The following DHX36 variants were observed in gnomAD, a reference collection of about 807,000 sequenced individuals.
DHX36 encodes the protein ATP-dependent DNA/RNA helicase DHX36.
In DHX36, 50 loss-of-function variants were observed where a neutral mutation model predicts 139.0. The observed-to-expected ratio is 0.36, with a 90% CI of 0.29 to 0.46. DHX36 has a LOEUF of 0.46. Ranked by LOEUF, DHX36 falls within the 20% of genes least tolerant of loss-of-function variation. The pLI is 1.00. For synonymous variants in DHX36, 425 were observed against 401.9 expected, an observed-to-expected ratio of 1.06 and a Z score of -0.69; for missense variants, 1,024 against 1,211.3, an observed-to-expected ratio of 0.85 and a Z score of 2.29.
chr3:154,307,934 A>G (rs1396119356), intron 5 of DHX36, among the ~76,000 whole-genome samples: 1 of 152,192 alleles, frequency 6.6e-6, no homozygotes, highest in Non-Finnish European at 1.5e-5. Flanking sequence ...ACAATGGAAT[A>G]CTATTTAGCT....
At chr3:154,293,512 A>C (rs1384308564) in intron 14 of DHX36, among the ~76,000 whole-genome samples, 1 of 152,124 alleles carries the variant, frequency 6.6e-6, no homozygotes, top group Admixed American at 6.6e-5. Context: ...AGCTGAGGAG[A>C]TCAAGGCTGC....
chr3:154,284,262 C>T (rs1356862289), intron 19 of DHX36, among the ~76,000 whole-genome samples: 1 of 152,146 alleles, frequency 6.6e-6, no homozygotes, highest in African/African-American at 2.4e-5. Flanking sequence ...TCACTGCAAC[C>T]ACCGCGCCCC....
chr3:154,308,381 G>A (rs189637912), intron 5 of DHX36, among the ~76,000 whole-genome samples: 126 of 152,162 alleles, frequency 8.3e-4, no homozygotes, highest in African/African-American at 2.8e-3. Flanking sequence ...GTGATAAGCA[G>A]CACTGCCATA....
intron 23 of DHX36, 73 bp downstream of exon 23, chr3:154,277,525 T>C: frequency 7.0e-7 from 1 of 1,438,286 alleles, no homozygotes; most frequent in Non-Finnish European, 9.2e-7. Context: ...TATATAATTG[T>C]TAAAACTACA....
chr3:154,284,218 C>T (rs901929993), intron 19 of DHX36, among the ~76,000 whole-genome samples: 35 of 152,154 alleles, frequency 2.3e-4, no homozygotes, highest in Admixed American at 1.4e-3. Context: ...CTCACTCCAT[C>T]GCCCAGGCTG....
intron 9 of DHX36, among the ~76,000 whole-genome samples, chr3:154,302,531 C>T (rs952523818): frequency 6.6e-6 from 1 of 151,924 alleles, no homozygotes; most frequent in South Asian, 2.1e-4. Context: ...AAAGCCAGTT[C>T]GAAGGTCAGG....
chr3:154,300,543 C>T lies in DHX36; in HGVS notation c.1461+51G>A, dbSNP rs183177590. 8.2e-5 allele frequency: 116 copies of T among 1,421,376 alleles called. No individual in the cohort carries two copies. In the African/African-American group the frequency reaches 1.1e-3, roughly 13 times the overall value. The allele number at this position is 1,421,376 out of a possible 1,614,324, so 88.0% of individuals were successfully genotyped here. ...AACTGTATTTTTCATGGCCTTGATA[C>T]GTTAATAAAATTAAAATTATGTTAA... On this transcript the variant is annotated intron_variant, in intron 11 of 24. Transcript: ENST00000496811.
At chr3:154,323,904 T>G (rs774496179) in intron 1 of DHX36, among the ~76,000 whole-genome samples, 1 of 152,220 alleles carries the variant, frequency 6.6e-6, no homozygotes, top group Non-Finnish European at 1.5e-5. Context: ...GAACGTGAAC[T>G]TAACATTTGC....
At position 154,301,134 on chromosome 3, in the gene DHX36, T is replaced by C. The variant is rs767634722; in HGVS notation, c.1218-7A>G. On this transcript the variant is annotated splice_polypyrimidine_tract_variant and splice_region_variant and intron_variant, in intron 9 of 24. Coordinates refer to ENST00000496811, the MANE Select transcript of DHX36 (RefSeq NM_020865.3). ...TTTTTGTTCTGGAACATACCTAAAA[T>C]AAAAACATTCTTGAATATCTTCACT... is the stretch of plus-strand genomic sequence containing the variant. 6.4e-7 allele frequency: 1 copy of C among 1,574,056 alleles called. No homozygotes were observed.
intron 3 of DHX36, among the ~76,000 whole-genome samples, chr3:154,314,223 C>T (rs988942075): frequency 1.3e-5 from 2 of 152,200 alleles, no homozygotes; most frequent in African/African-American, 2.4e-5. Context: ...AAGAGCTACA[C>T]AATTTGGCCC....
At chr3:154,277,921 AT>A (rs1258688101) in intron 22 of DHX36, 5 of 401,402 alleles carry the variant, frequency 1.2e-5, no homozygotes, top group Non-Finnish European at 2.2e-5. Context: ...TTCCTTAAAA[AT>A]ATATGAAAAA....
chr3:154,303,156 C>T (rs62277003), intron 9 of DHX36, among the ~76,000 whole-genome samples, 173 bp downstream of exon 9: 1,849 of 152,192 alleles, frequency 0.012, 20 homozygotes, highest in South Asian at 0.023. Flanking sequence ...AATCAGGCAT[C>T]TGGATTTTAA....
chr3:154,282,519 A>G (rs1719363615), intron 20 of DHX36, among the ~76,000 whole-genome samples: 1 of 151,022 alleles, frequency 6.6e-6, no homozygotes, highest in African/African-American at 2.4e-5. Context: ...CTACTGAAAC[A>G]TGGCATTCCA....
At position 154,324,211 on chromosome 3, in the gene DHX36, T is replaced by G. The variant is rs1451511014; in HGVS notation, c.206A>C (p.Lys69Thr). 2 of 1,613,332 alleles carry G rather than the reference T, an allele frequency of 1.2e-6. No individual in the cohort carries two copies. The highest frequency in any genetic ancestry group is 1.7e-6 in the Non-Finnish European group (2 of 1,179,560). The change falls in exon 1 of 25, where the codon AAA becomes ACA. Residue 69 changes from lysine to threonine, a missense_variant. Transcript: ENST00000496811. ...GREIGMWYAKKQGQKNKEAER... is the reference protein window; with the variant it reads ...GREIGMWYAKTQGQKNKEAER... ...CGCTTCCTTGTTCTTCTGCCCCTGT[T>G]TTTTCGCGTACCACATGCCGATTTC...
chr3:154,292,526 G>C (rs1711862834), intron 15 of DHX36, 25 bp downstream of exon 15: 6 of 1,613,500 alleles, frequency 3.7e-6, no homozygotes, highest in Non-Finnish European at 5.1e-6. Context: ...TGTTCTAAAA[G>C]CTTTGGACAG....
At chr3:154,299,973 G>T in intron 11 of DHX36, 48 bp from the exon 12 acceptor site, 1 of 1,285,276 alleles carries the variant, frequency 7.8e-7, no homozygotes, top group Non-Finnish European at 1.1e-6. Flanking sequence ...TCAACAAAAT[G>T]CAGTAACAGT....
intron 5 of DHX36, among the ~76,000 whole-genome samples, chr3:154,307,540 A>C (rs1386735841): frequency 6.6e-6 from 1 of 152,188 alleles, no homozygotes; most frequent in Non-Finnish European, 1.5e-5. Context: ...ATCATCAGAG[A>C]AATGCAAATT....
At chr3:154,297,038 C>T (rs879520362) in intron 12 of DHX36, among the ~76,000 whole-genome samples, 4 of 152,144 alleles carry the variant, frequency 2.6e-5, no homozygotes, top group Non-Finnish European at 5.9e-5. Context: ...TAAAGAGTCA[C>T]ACAAATTCAG....
chr3:154,316,771 A>C (rs1201683414), intron 1 of DHX36, among the ~76,000 whole-genome samples: 1 of 151,998 alleles, frequency 6.6e-6, no homozygotes, highest in Non-Finnish European at 1.5e-5. Context: ...AACTTTGCAG[A>C]AACTTTACGC....
Sources: gnomAD v4.1 joint callset for allele counts (sites outside exome capture counted in the v4.1 genomes callset) on GRCh38, gnomAD v4.1.1 for gene constraint, MANE v1.5 for transcripts, NCBI Gene and HGNC (gene_info 2026-07-23, HGNC 2026-07-21) for gene names.